RANBP9: variants seen among roughly 807,000 people sequenced by gnomAD.
The protein encoded by RANBP9 is ran-binding protein 9.
In RANBP9, 15 loss-of-function variants were observed where a neutral mutation model predicts 84.3. The observed-to-expected ratio is 0.18, with a 90% CI of 0.12 to 0.27. The LOEUF (loss-of-function observed/expected upper bound fraction) is 0.27. Among genes scored for constraint, RANBP9 ranks in the 10% least tolerant of loss-of-function variants. The pLI, the probability that RANBP9 is intolerant of heterozygous loss-of-function variation, is 1.00. For missense variants in RANBP9, 809 were observed against 912.8 expected (o/e 0.89, Z 1.46); for synonymous variants, 392 against 349.6 (o/e 1.12, Z -1.35).
At chr6:13,663,338 T>C (rs1269059389) in intron 2 of RANBP9, among the ~76,000 whole-genome samples, 2 of 152,034 alleles carry the variant, frequency 1.3e-5, no homozygotes, top group Non-Finnish European at 1.5e-5. Context: ...AAGAGAAATA[T>C]TCTTAAGAAT....
intron 1 of RANBP9, among the ~76,000 whole-genome samples, chr6:13,699,123 A>C (rs1430352468): frequency 6.6e-6 from 1 of 152,192 alleles, no homozygotes; most frequent in Non-Finnish European, 1.5e-5. Flanking sequence ...CTACAGAAAA[A>C]AAAATAAAAT....
intron 2 of RANBP9, among the ~76,000 whole-genome samples, chr6:13,685,895 C>T (rs1222986366): frequency 6.7e-6 from 1 of 149,594 alleles, no homozygotes; most frequent in Non-Finnish European, 1.5e-5. Flanking sequence ...TGCACCACTG[C>T]ACTCCAGCCT....
chr6:13,688,240 A>G (rs893951269), intron 2 of RANBP9, among the ~76,000 whole-genome samples: 5 of 152,232 alleles, frequency 3.3e-5, no homozygotes, highest in African/African-American at 1.2e-4. Context: ...ATTTCTCAAC[A>G]AAAGTAACTA....
At chr6:13,710,914 C>T (rs770186706) in intron 1 of RANBP9, 21 bp downstream of exon 1, 9 of 1,584,326 alleles carry the variant, frequency 5.7e-6, no homozygotes, top group Middle Eastern at 1.7e-4. Flanking sequence ...CCACTCCCAC[C>T]GCAGGACACA....
At chr6:13,675,761 C>A (rs1765873196) in intron 2 of RANBP9, among the ~76,000 whole-genome samples, 2 of 150,706 alleles carry the variant, frequency 1.3e-5, no homozygotes, top group South Asian at 4.2e-4. Context: ...ATTATTAATA[C>A]CAAAATCAAA....
chr6:13,626,965 C>G (rs1276812643), intron 12 of RANBP9, among the ~76,000 whole-genome samples: 2 of 152,186 alleles, frequency 1.3e-5, no homozygotes, highest in African/African-American at 2.4e-5. Context: ...GCTGTGAAGT[C>G]AGTCTGAGAC....
chr6:13,668,239 T>C (rs1409729305), intron 2 of RANBP9, among the ~76,000 whole-genome samples: 1 of 152,070 alleles, frequency 6.6e-6, no homozygotes, highest in East Asian at 1.9e-4. Flanking sequence ...TGAAACTGCA[T>C]AGTAATTTTA....
chr6:13,673,492 C>T (rs1261299184), intron 2 of RANBP9, among the ~76,000 whole-genome samples: 1 of 152,172 alleles, frequency 6.6e-6, no homozygotes, highest in East Asian at 1.9e-4. Context: ...AAGATACACT[C>T]TTTTATTTTT....
At chr6:13,700,690 G>T (rs554533520) in intron 1 of RANBP9, among the ~76,000 whole-genome samples, 1 of 151,808 alleles carries the variant, frequency 6.6e-6, no homozygotes, top group Non-Finnish European at 1.5e-5. Flanking sequence ...CTTTATTCCC[G>T]CTAACTTCCA....
chr6:13,627,351 C>T (rs1274202533), intron 12 of RANBP9, among the ~76,000 whole-genome samples: 1 of 151,930 alleles, frequency 6.6e-6, no homozygotes, highest in South Asian at 2.1e-4. Context: ...TGTTTTTGGC[C>T]GGGTGTGGTG....
chr6:13,679,149 C>T (rs976551906), intron 2 of RANBP9, among the ~76,000 whole-genome samples: 1 of 152,190 alleles, frequency 6.6e-6, no homozygotes, highest in Non-Finnish European at 1.5e-5. Flanking sequence ...CACATTCTTC[C>T]CAAAGCATAA....
At chr6:13,662,612 G>A (rs979010173) in intron 2 of RANBP9, among the ~76,000 whole-genome samples, 1 of 152,112 alleles carries the variant, frequency 6.6e-6, no homozygotes, top group African/African-American at 2.4e-5. Context: ...TGCCCCTTCT[G>A]CCATGTAAGG....
At chr6:13,642,655 T>C (rs1037364343) in intron 6 of RANBP9, 64 bp from the exon 7 acceptor site, 2 of 1,135,478 alleles carry the variant, frequency 1.8e-6, no homozygotes, top group Admixed American at 4.4e-5. Flanking sequence ...ATACTACAAT[T>C]TATATAAACA....
intron 1 of RANBP9, among the ~76,000 whole-genome samples, chr6:13,704,744 CTA>C (rs1391390026): frequency 6.6e-6 from 1 of 152,222 alleles, no homozygotes; most frequent in African/African-American, 2.4e-5. Flanking sequence ...AAGTAATTCT[CTA>C]TGTTTTTGCT....
chr6:13,627,788 A>T (rs1764658562), intron 12 of RANBP9, among the ~76,000 whole-genome samples: 1 of 152,172 alleles, frequency 6.6e-6, no homozygotes, highest in Non-Finnish European at 1.5e-5. Flanking sequence ...AATACTTGGT[A>T]AACAAAAACT....
At chr6:13,692,064 A>T (rs1562320519) in intron 2 of RANBP9, among the ~76,000 whole-genome samples, 1 of 152,222 alleles carries the variant, frequency 6.6e-6, no homozygotes, top group Non-Finnish European at 1.5e-5. Flanking sequence ...CTTTACAAAG[A>T]TGTTGAGATT....
At chr6:13,637,073 CT>C in intron 10 of RANBP9, among the ~76,000 whole-genome samples, 1 of 152,276 alleles carries the variant, frequency 6.6e-6, no homozygotes, top group East Asian at 1.9e-4. Context: ...CAATAATTTG[CT>C]ACTGCACAGT....
intron 2 of RANBP9, among the ~76,000 whole-genome samples, chr6:13,674,613 A>C (rs1320875606): frequency 6.6e-6 from 1 of 152,194 alleles, no homozygotes; most frequent in African/African-American, 2.4e-5. Context: ...GGCAGCCACC[A>C]CCCAGGCACA....
intron 2 of RANBP9, among the ~76,000 whole-genome samples, chr6:13,684,265 T>A (rs1046055280): frequency 6.6e-6 from 1 of 152,236 alleles, no homozygotes; most frequent in Admixed American, 6.5e-5. Context: ...TTCATTGTTA[T>A]GCCCTACACT....
Sources: allele counts gnomAD v4.1 joint callset (sites outside exome capture counted in the v4.1 genomes callset), GRCh38; gene constraint gnomAD v4.1.1; transcripts MANE v1.5; gene names NCBI Gene and HGNC (gene_info 2026-07-23, HGNC 2026-07-21).